TSNARE1: variants seen among roughly 807,000 people sequenced by gnomAD.
The protein encoded by TSNARE1 is t-SNARE domain containing 1.
In TSNARE1, 49 loss-of-function variants were observed where a neutral mutation model predicts 62.0. The observed-to-expected ratio is 0.79, with a 90% CI of 0.63 to 1.00. The LOEUF (loss-of-function observed/expected upper bound fraction) is 1.00, where lower values mean the gene tolerates loss of function less well. TSNARE1 is among the 50% of genes least tolerant of loss of function. TSNARE1 has a pLI of 0.00. For synonymous variants in TSNARE1, 328 were observed against 294.4 expected, an observed-to-expected ratio of 1.11 and a Z score of -1.17; for missense variants, 755 against 700.1, an observed-to-expected ratio of 1.08 and a Z score of -0.88.
intron 13 of TSNARE1, among the ~76,000 whole-genome samples, chr8:142,216,280 T>A (rs1815833186): frequency 1.3e-5 from 2 of 151,920 alleles, no homozygotes; most frequent in African/African-American, 2.4e-5. Flanking sequence ...GCTGGGGAGA[T>A]CTTTGGATTG....
intron 11 of TSNARE1, chr8:142,280,132 G>A (rs549952508): frequency 3.6e-4 from 394 of 1,103,648 alleles, no homozygotes; most frequent in Admixed American, 1.0e-3. Context: ...GAACAGCAGC[G>A]GGTAGTGGCG....
intron 1 of TSNARE1, among the ~76,000 whole-genome samples, chr8:142,401,887 G>A (rs553656742): frequency 2.7e-4 from 41 of 152,250 alleles, no homozygotes; most frequent in African/African-American, 9.4e-4. Context: ...CGGTTCAGTC[G>A]GGGGAAGCAC....
intron 9 of TSNARE1, among the ~76,000 whole-genome samples, chr8:142,303,750 G>A (rs1826176207): frequency 6.6e-6 from 1 of 152,248 alleles, no homozygotes; most frequent in Non-Finnish European, 1.5e-5. Context: ...CTGCATCCAG[G>A]ATGGGGCGAC....
chr8:142,330,125 C>G (rs80194185), intron 6 of TSNARE1, among the ~76,000 whole-genome samples: 6,795 of 152,332 alleles, frequency 0.045, 444 homozygotes, highest in African/African-American at 0.14. Context: ...GTCCTTGGAG[C>G]TGCGGGCATC....
chr8:142,258,961 C>T (rs1818726919), intron 12 of TSNARE1, among the ~76,000 whole-genome samples: 1 of 152,162 alleles, frequency 6.6e-6, no homozygotes, highest in Non-Finnish European at 1.5e-5. Flanking sequence ...TCACCGGGGC[C>T]CTACTCCCAC....
intron 11 of TSNARE1, chr8:142,276,732 AGT>A: frequency 1.0e-6 from 1 of 985,296 alleles, no homozygotes. Flanking sequence ...CTCTGATCGT[AGT>A]GTGTGACCTG....
intron 11 of TSNARE1, chr8:142,280,397 A>G (rs1056082112): frequency 6.7e-6 from 6 of 893,958 alleles, no homozygotes; most frequent in Non-Finnish European, 8.0e-6. Flanking sequence ...GTCACAGGTC[A>G]TCACAGGCCC....
At chr8:142,263,075 C>T (rs575173633) in intron 12 of TSNARE1, among the ~76,000 whole-genome samples, 1 of 152,202 alleles carries the variant, frequency 6.6e-6, no homozygotes, top group African/African-American at 2.4e-5. Flanking sequence ...CTAACTGAGC[C>T]CAGCTAGCAC....
In TSNARE1 at chr8:142,344,350, C is replaced by G; in HGVS notation, c.361G>C (p.Ala121Pro). The stretch of plus-strand genomic sequence containing the variant: ...CAGAAGTTGGGCTTCCTCTTCTTGG[C>G]CCGGGTAGTGCTGGGCCCCGCCATC... ...GRMAGPSTTR[A>P]KKRKPNFCPQ... The change falls in exon 4 of 14, where the codon GCC (alanine) becomes CCC (proline). Residue 121 changes from alanine to proline, a missense_variant. Transcript: ENST00000524325. The G allele has an allele frequency of 6.3e-7, 1 of 1,575,344 alleles. No individual in the cohort carries two copies. Among genetic ancestry groups the G allele is most frequent in the Non-Finnish European group, 8.6e-7 (1 of 1,160,528 alleles).
intron 1 of TSNARE1, among the ~76,000 whole-genome samples, chr8:142,391,745 G>A (rs997238586): frequency 2.0e-5 from 3 of 152,242 alleles, no homozygotes; most frequent in Non-Finnish European, 4.4e-5. Flanking sequence ...GCAGCAGCCG[G>A]CATGCCTGGC....
chr8:142,270,430 A>G, intron 12 of TSNARE1: 1 of 985,128 alleles, frequency 1.0e-6, no homozygotes, highest in Non-Finnish European at 1.2e-6. Context: ...AGAAAAATCT[A>G]CAGGTACAAA....
intron 9 of TSNARE1, among the ~76,000 whole-genome samples, chr8:142,308,874 C>T (rs1315136268): frequency 6.6e-6 from 1 of 151,928 alleles, no homozygotes; most frequent in Non-Finnish European, 1.5e-5. Context: ...CATCTCCATA[C>T]ACACGGTATC....
At chr8:142,300,781 G>GCGACGATCTGGGTCTGAGT in intron 9 of TSNARE1, 137 bp from the exon 10 acceptor site, 1 of 1,144,138 alleles carries the variant, frequency 8.7e-7, no homozygotes, top group Non-Finnish European at 1.2e-6. Flanking sequence ...TGGGTCTGAG[G>GCGACGATCTGGGTCTGAGT]CGGGGGCCTT....
intron 1 of TSNARE1, among the ~76,000 whole-genome samples, chr8:142,361,602 G>A (rs1169392346): frequency 6.6e-6 from 1 of 152,200 alleles, no homozygotes; most frequent in African/African-American, 2.4e-5. Context: ...TGGGCTTTCT[G>A]CAGCCCCCAG....
intron 11 of TSNARE1, chr8:142,277,579 C>T (rs1563809666): frequency 2.0e-6 from 2 of 985,336 alleles, no homozygotes; most frequent in Non-Finnish European, 2.4e-6. Context: ...TTTCCTACTT[C>T]CTGCCTCTGC....
Position 142,222,572 on chromosome 8 carries a change from TCAGC to T in TSNARE1, c.*11+6897_*11+6900del, listed in dbSNP as rs1313659300. Among the ~76,000 whole-genome samples, 924 of 105,520 alleles carry T rather than the reference TCAGC, an allele frequency of 8.8e-3. 294 individuals are homozygous for T. Among genetic ancestry groups the T allele is most frequent in the Non-Finnish European group, 0.013 (633 of 50,376 alleles). 69.2% of individuals were successfully genotyped at this position (105,520 alleles called of 152,430 possible). On this transcript the variant is annotated intron_variant, in intron 13 of 13. Transcript: ENST00000524325. The stretch of plus-strand genomic sequence containing the variant: ...CTCACTCACTCACTCATTCACTCAC[TCAGC>T]CACTCATTCACTCACTCATTCATCC...
At chr8:142,256,330 TTTGCCACCATCATCATCACCATCATTATC>T (rs1563782688) in intron 12 of TSNARE1, among the ~76,000 whole-genome samples, 26 of 3,098 alleles carry the variant, frequency 8.4e-3, no homozygotes, top group African/African-American at 0.01. Flanking sequence ...CATCACCATC[TTTGCCACCATCATCATCACCATCATTATC>T]ACCACCATCA....
intron 12 of TSNARE1, chr8:142,270,169 C>T: frequency 4.1e-6 from 4 of 985,410 alleles, no homozygotes; most frequent in Non-Finnish European, 3.6e-6. Context: ...GGCTGGGGGG[C>T]TGCAGACTGT....
At chr8:142,308,622 G>T (rs1827084907) in intron 9 of TSNARE1, among the ~76,000 whole-genome samples, 1 of 152,178 alleles carries the variant, frequency 6.6e-6, no homozygotes. Context: ...CCACGGGCTG[G>T]TGTGTCTAGC....
Sources: allele counts gnomAD v4.1 joint callset (sites outside exome capture counted in the v4.1 genomes callset), GRCh38; gene constraint gnomAD v4.1.1; transcripts MANE v1.5; gene names NCBI Gene and HGNC (gene_info 2026-07-23, HGNC 2026-07-21).